The following ADCY8 variants were observed in gnomAD, a reference collection of about 807,000 sequenced individuals.
ADCY8 encodes adenylate cyclase type 8.
ADCY8 carries 51 observed loss-of-function variants against 119.7 expected under a neutral mutation model. The ratio of observed to expected loss-of-function variants is 0.43; its 90% CI spans 0.34 to 0.54. ADCY8 has a LOEUF of 0.54. Ranked by LOEUF, ADCY8 falls within the 20% of genes least tolerant of loss-of-function variation. ADCY8 has a pLI of 0.03. For missense variants in ADCY8, 1,383 were observed against 1,598.8 expected (o/e 0.87, Z 2.30); for synonymous variants, 665 against 651.0 (o/e 1.02, Z -0.33).
intron 14 of ADCY8, among the ~76,000 whole-genome samples, chr8:130,806,036 C>T (rs1348255488): frequency 2.6e-5 from 4 of 152,176 alleles, no homozygotes; most frequent in African/African-American, 9.6e-5. Flanking sequence ...CCCGGCATTT[C>T]CCCACAGGGT....
intron 5 of ADCY8, among the ~76,000 whole-genome samples, chr8:130,924,385 G>A (rs957880418): frequency 2.0e-5 from 3 of 152,150 alleles, no homozygotes; most frequent in African/African-American, 4.8e-5. Flanking sequence ...CATTCCCCTG[G>A]CACACAGGCT....
intron 2 of ADCY8, among the ~76,000 whole-genome samples, chr8:130,977,484 A>G (rs998817078): frequency 3.9e-5 from 6 of 152,292 alleles, no homozygotes; most frequent in East Asian, 1.9e-4. Context: ...TTTAAAATCA[A>G]TTCAGTCTCT....
rs577994719 is a variant in ADCY8, at chr8:130,909,898, T to A, written c.1482-32A>T. The A allele has an allele frequency of 2.5e-6, 4 of 1,608,546 alleles. No individual in the cohort carries two copies. The East Asian group carries it at 8.9e-5, about 36-fold the overall frequency. The stretch of plus-strand genomic sequence containing the variant: ...ACATAGGTAAATGGAGAGACACATG[T>A]ATAAGACCAGAGTGGGCATCGTTGG... On this transcript the variant is annotated intron_variant, in intron 5 of 17. Coordinates refer to ENST00000286355, the MANE Select transcript of ADCY8 (RefSeq NM_001115.3).
At chr8:131,002,462 G>A (rs1822978976) in intron 1 of ADCY8, among the ~76,000 whole-genome samples, 1 of 152,188 alleles carries the variant, frequency 6.6e-6, no homozygotes, top group Admixed American at 6.5e-5. Flanking sequence ...GAGATAAGAG[G>A]AAGGACAAAC....
intron 13 of ADCY8, among the ~76,000 whole-genome samples, chr8:130,818,314 A>T (rs748759972): frequency 3.3e-5 from 5 of 152,136 alleles, no homozygotes; most frequent in African/African-American, 4.8e-5. Context: ...ACAGGACCTC[A>T]TTATTCTCTT....
chr8:131,029,486 G>A (rs1823929563), intron 1 of ADCY8, among the ~76,000 whole-genome samples: 1 of 152,130 alleles, frequency 6.6e-6, no homozygotes, highest in South Asian at 2.1e-4. Context: ...TCAGAGCCAG[G>A]ATGCTGAAGA....
intron 1 of ADCY8, among the ~76,000 whole-genome samples, chr8:131,021,667 G>A (rs1399258217): frequency 2.0e-5 from 3 of 152,148 alleles, no homozygotes; most frequent in Non-Finnish European, 4.4e-5. Context: ...GAGTTCTCAC[G>A]AGATCTGATG....
At chr8:131,027,460 A>G (rs919168026) in intron 1 of ADCY8, among the ~76,000 whole-genome samples, 1 of 152,216 alleles carries the variant, frequency 6.6e-6, no homozygotes, top group Non-Finnish European at 1.5e-5. Flanking sequence ...AGAAGCTCCC[A>G]CTGGGGAGTG....
intron 14 of ADCY8, among the ~76,000 whole-genome samples, chr8:130,808,629 G>C (rs944323193): frequency 1.3e-5 from 2 of 152,186 alleles, no homozygotes; most frequent in African/African-American, 4.8e-5. Flanking sequence ...CTGGGGTTTT[G>C]AATGCACCTA....
chr8:130,909,683 T>C, intron 6 of ADCY8, 25 bp downstream of exon 6: 6 of 1,613,878 alleles, frequency 3.7e-6, no homozygotes, highest in South Asian at 1.1e-5. Context: ...CCGTTAAGCA[T>C]GAAAAGGGCT....
At chr8:130,903,616 G>T (rs1204997948) in intron 7 of ADCY8, among the ~76,000 whole-genome samples, 156 bp downstream of exon 7, 2 of 151,384 alleles carry the variant, frequency 1.3e-5, no homozygotes, top group Non-Finnish European at 2.9e-5. Context: ...GGTTAATTCT[G>T]TCCTGAGGAG....
At chr8:130,939,501 C>T (rs1230336355) in intron 4 of ADCY8, among the ~76,000 whole-genome samples, 1 of 152,100 alleles carries the variant, frequency 6.6e-6, no homozygotes, top group African/African-American at 2.4e-5. Flanking sequence ...GAAAGAAAGC[C>T]TGGTACCATC....
intron 6 of ADCY8, among the ~76,000 whole-genome samples, chr8:130,906,420 C>T (rs191026907): frequency 6.3e-4 from 96 of 152,250 alleles, no homozygotes; most frequent in Admixed American, 9.8e-4. Context: ...TTTTATTATT[C>T]TGCTGTCAGT....
chr8:131,031,202 C>T (rs1266317992), intron 1 of ADCY8, among the ~76,000 whole-genome samples: 2 of 152,206 alleles, frequency 1.3e-5, no homozygotes, highest in Non-Finnish European at 2.9e-5. Context: ...TGTTGCACAG[C>T]TTCTCCTTGG....
intron 3 of ADCY8, among the ~76,000 whole-genome samples, chr8:130,944,065 C>T (rs1821036964): frequency 6.6e-6 from 1 of 152,146 alleles, no homozygotes; most frequent in African/African-American, 2.4e-5. Context: ...ATGTATATGG[C>T]CTGGTATAAG....
Position 130,793,877 on chromosome 8 carries a change from C to T in ADCY8, c.3060+6549G>A, listed in dbSNP as rs1217267159. On this transcript the variant is annotated intron_variant, in intron 15 of 17. Coordinates refer to ENST00000286355, the MANE Select transcript of ADCY8 (RefSeq NM_001115.3). ...AATACTATACTGGGTTAAATAGTGC[C>T]TCTCAAAAATTCATGTCCTCACAGA... Among the ~76,000 whole-genome samples the T allele has an allele frequency of 2.0e-5, 3 of 152,164 alleles. No homozygotes were observed. The East Asian group carries it at 5.8e-4, about 29-fold the overall frequency.
At chr8:130,991,131 A>T (rs927856967) in intron 1 of ADCY8, among the ~76,000 whole-genome samples, 1 of 152,176 alleles carries the variant, frequency 6.6e-6, no homozygotes, top group African/African-American at 2.4e-5. Context: ...TGGACTCTTA[A>T]ATTGGGCTTC....
At position 130,863,081 on chromosome 8, in the gene ADCY8, C is replaced by A. The variant is rs1586498228; in HGVS notation, c.2210+4765G>T. On this transcript the variant is annotated intron_variant, in intron 9 of 17. Transcript: ENST00000286355. ...GACAGAGGGATGTTGAAGTCTCCAA[C>A]TATAATAGTGGGTTTATTTATTTTT... 2.6e-5 allele frequency among the ~76,000 whole-genome samples: 4 copies of A among 152,286 alleles called. No homozygotes were observed. In the South Asian group the frequency reaches 8.3e-4, roughly 32 times the overall value.
intron 1 of ADCY8, among the ~76,000 whole-genome samples, chr8:131,023,147 G>A (rs1359191341): frequency 6.6e-6 from 1 of 152,188 alleles, no homozygotes. Flanking sequence ...GAGTGGACAG[G>A]ATGTGTGCAA....
Sources: gnomAD v4.1 joint callset for allele counts (sites outside exome capture counted in the v4.1 genomes callset) on GRCh38, gnomAD v4.1.1 for gene constraint, MANE v1.5 for transcripts, NCBI Gene and HGNC (gene_info 2026-07-23, HGNC 2026-07-21) for gene names.